Variants in CIC observed in about 807,000 individuals in gnomAD.
The protein encoded by CIC is protein capicua homolog.
In CIC, 18 loss-of-function variants were observed where a neutral mutation model predicts 115.7. The ratio of observed to expected loss-of-function variants is 0.16; its 90% CI spans 0.11 to 0.23. The LOEUF (loss-of-function observed/expected upper bound fraction) is 0.23, where lower values mean the gene tolerates loss of function less well. Ranked by LOEUF, CIC falls within the 10% of genes least tolerant of loss-of-function variation. CIC has a pLI of 1.00. For synonymous variants in CIC, 1,076 were observed against 923.0 expected, an observed-to-expected ratio of 1.17 and a Z score of -3.01; for missense variants, 2,000 against 2,159.3, an observed-to-expected ratio of 0.93 and a Z score of 1.46.
intron 2 of CIC, among the ~76,000 whole-genome samples, chr19:42,285,524 C>T (rs1018041295): frequency 2.0e-5 from 3 of 152,342 alleles, no homozygotes; most frequent in South Asian, 4.1e-4. Context: ...GTCAGCCCCT[C>T]TCAGAATCAG....
Position 42,290,823 on chromosome 19 carries a change from C to T in CIC, c.4782C>T (p.Pro1594=). ...GGCCTGTCAGCAGCACTCCTGTGCC[C>T]ATCGCCTCTAAGCCCTTCCCCACCT... ...VVRPVSSTPV[P]IASKPFPTSG... The change falls in exon 11 of 21, where the codon CCC becomes CCT. Residue 1594 remains proline, a synonymous_variant. Coordinates refer to ENST00000681038, the MANE Select transcript of CIC (RefSeq NM_001386298.1). 6.2e-7 allele frequency: 1 copy of T among 1,608,856 alleles called. No homozygotes were observed. The highest frequency in any genetic ancestry group is 8.5e-7 in the Non-Finnish European group (1 of 1,177,978).
intron 19 of CIC, 92 bp from the exon 20 acceptor site, chr19:42,294,512 G>A: frequency 6.3e-7 from 1 of 1,593,100 alleles, no homozygotes; most frequent in African/African-American, 1.3e-5. Context: ...CTGTGAAATA[G>A]AATGCAGTGA....
At chr19:42,284,564 CGGCGGGGGGGGG>C in intron 2 of CIC, 3 of 215,056 alleles carry the variant, frequency 1.4e-5, no homozygotes, top group Non-Finnish European at 2.3e-5. Flanking sequence ...CGGAGGGGGG[CGGCGGGGGGGGG>C]GGCATGCGGC....
rs587778206 is a variant in CIC, at chr19:42,293,625, C to T, written c.6556C>T (p.Arg2186Cys). 21 of 1,613,482 alleles carry T rather than the reference C, an allele frequency of 1.3e-5. No individual in the cohort carries two copies. The highest frequency in any genetic ancestry group is 6.6e-5 in the South Asian group (6 of 91,052). The change falls in exon 17 of 21, where the codon CGC becomes TGC. Residue 2186 changes from arginine to cysteine, a missense_variant. Coordinates refer to ENST00000681038, the MANE Select transcript of CIC (RefSeq NM_001386298.1). ...ATTCCCCAGCTCATCTTCAGACTGG[C>T]GCGTCCCTGGGCAGGGCCTGGAGAA... ...SKFPSSSSDW[R>C]VPGQGLENRG...
At chr19:42,292,278 C>G (rs746570277) in intron 13 of CIC, 22 bp from the exon 14 acceptor site, 2 of 1,613,548 alleles carry the variant, frequency 1.2e-6, no homozygotes, top group Admixed American at 3.3e-5. Flanking sequence ...CTCACTCCTC[C>G]CCATTTCCTC....
chr19:42,289,611 G>T (rs1016507261), intron 9 of CIC, among the ~76,000 whole-genome samples: 15 of 152,196 alleles, frequency 9.9e-5, no homozygotes, highest in African/African-American at 3.6e-4. Context: ...CTGGAGGACA[G>T]GGGGCATGAC....
rs1391117439 is a variant in CIC at position 42,287,891 on chromosome 19, C to A, written c.3574C>A (p.Pro1192Thr). 1 of 1,611,070 alleles carries A rather than the reference C, an allele frequency of 6.2e-7. No individual in the cohort carries two copies. Among genetic ancestry groups the A allele is most frequent in the Non-Finnish European group, 8.5e-7 (1 of 1,178,680 alleles). ...DRKKSSSEAKPTSLGLAGGHK... is the reference protein window; with the variant it reads ...DRKKSSSEAKTTSLGLAGGHK... ...AAAGAAGTCCAGCTCAGAGGCCAAGCCCACGAGCCTGGGGCTGGCAGGAGG... is the reference window on the plus strand; with the variant it reads ...AAAGAAGTCCAGCTCAGAGGCCAAGACCACGAGCCTGGGGCTGGCAGGAGG... Residue 1192 changes from proline to threonine, a missense_variant, in exon 7 of 21, where the codon CCC becomes ACC. Physicochemically the swap from Pro to Thr is conservative, Grantham distance 38. Transcript: ENST00000681038. This position sits in a 1 kb window ranked among gnomAD's most constrained non-coding sequence, Gnocchi z 8.7.
In CIC at chr19:42,293,219, A is replaced by G. The variant is rs757049739; in HGVS notation, c.6460A>G (p.Ser2154Gly). 4 of 1,596,650 alleles carry G rather than the reference A, an allele frequency of 2.5e-6. No homozygotes were observed. Among genetic ancestry groups the G allele is most frequent in the Admixed American group, 3.4e-5 (2 of 58,048 alleles). The change falls in exon 16 of 21, where the codon AGC becomes GGC. Residue 2154 changes from serine to glycine, a missense_variant. By Grantham distance (56) the Ser-to-Gly change is moderately conservative (BLOSUM62 0). Coordinates refer to ENST00000681038, the MANE Select transcript of CIC (RefSeq NM_001386298.1). ...LPETWTPTAR[S>G]SPPLPPPAEE... is the part of the protein sequence containing the mutation. ...AGAGACCTGGACTCCCACGGCCCGG[A>G]GCAGCCCCCCACTGCCCCCACCTGC... is the stretch of plus-strand genomic sequence containing the variant.
chr19:42,284,306 C>T (rs2037435357), intron 2 of CIC: 1 of 146,458 alleles, frequency 6.8e-6, no homozygotes, highest in Admixed American at 6.7e-5. Flanking sequence ...GGGGGCCGCC[C>T]CCGCGCACGC....
chr19:42,278,257 AG>A (rs1179854129), intron 2 of CIC, among the ~76,000 whole-genome samples: 1 of 152,222 alleles, frequency 6.6e-6, no homozygotes, highest in Non-Finnish European at 1.5e-5. Flanking sequence ...GCCCCAGTCC[AG>A]GAGGCCAGAT....
rs1274997874 is a variant in CIC at position 42,287,830 on chromosome 19, G to A, written c.3513G>A (p.Lys1171=). The change falls in exon 7 of 21, where the codon AAG becomes AAA. Residue 1171 remains lysine, a synonymous_variant. Transcript: ENST00000681038. The surrounding 1 kb of genome is among the most constrained non-coding windows in gnomAD (Gnocchi z 8.7). ...LAFQVKEAHF[K]AHPDWKWCNK... is the part of the protein sequence containing the mutation. ...GCCAGGTGAAGGAGGCCCACTTCAA[G>A]GCCCACCCAGATTGGAAGTGGTGCA... 1 of 1,613,750 alleles carries A rather than the reference G, an allele frequency of 6.2e-7. No individual in the cohort carries two copies. The highest frequency in any genetic ancestry group is 1.1e-5 in the South Asian group (1 of 91,062).
At chr19:42,282,518 C>G (rs1040128336) in intron 2 of CIC, among the ~76,000 whole-genome samples, 2 of 152,226 alleles carry the variant, frequency 1.3e-5, no homozygotes, top group African/African-American at 4.8e-5. Flanking sequence ...ACATCCTTGC[C>G]TGTGTCTTTG....
In CIC at chr19:42,293,152, G is replaced by C. The variant is rs2038268745; in HGVS notation, c.6393G>C (p.Glu2131Asp). 6.2e-7 allele frequency: 1 copy of C among 1,606,412 alleles called. No individual in the cohort carries two copies. The highest frequency in any genetic ancestry group is 8.5e-7 in the Non-Finnish European group (1 of 1,177,256). Residue 2131 changes from glutamate (E) to aspartate (D), a missense_variant, in exon 16 of 21, where the codon GAG becomes GAC. Physicochemically the swap from Glu to Asp is conservative, Grantham distance 45. Coordinates refer to ENST00000681038, the MANE Select transcript of CIC (RefSeq NM_001386298.1). ...PVREPTAPES[E>D]LEGQPTPPAP... Reference sequence around the variant, plus strand: ...GAGAGCCAACTGCCCCAGAGTCTGAGCTTGAGGGGCAGCCCACACCACCAG... The same window carrying C: ...GAGAGCCAACTGCCCCAGAGTCTGACCTTGAGGGGCAGCCCACACCACCAG...
chr19:42,289,458 C>G (rs2037912363), intron 9 of CIC, 52 bp downstream of exon 9: 11 of 1,537,234 alleles, frequency 7.2e-6, no homozygotes, highest in Non-Finnish European at 9.7e-6. Flanking sequence ...GGCCAAGGCT[C>G]AGAGGGTGGG....
In CIC at chr19:42,293,551, G is replaced by A. The variant is rs781685110; in HGVS notation, c.6523-41G>A. On this transcript the variant is annotated intron_variant, in intron 16 of 20. Transcript: ENST00000681038. ...GTTTCTGGCCTTTGCCCCAGAGTCT[G>A]AGCTCAGTGTTCGCCATCTCCCTGC... 10 of 1,613,196 alleles carry A rather than the reference G, an allele frequency of 6.2e-6. No individual in the cohort carries two copies. The South Asian group carries it at 9.9e-5, about 16-fold the overall frequency.
chr19:42,292,472 G>C lies in CIC; in HGVS notation c.5902+6G>C, dbSNP rs1395444916. On this transcript the variant is annotated splice_donor_region_variant and intron_variant, in intron 14 of 20. Coordinates refer to ENST00000681038, the MANE Select transcript of CIC (RefSeq NM_001386298.1). Reference sequence around the variant, plus strand: ...CGTGCAGCCCCTGCTCTCAGGTGAGGGGCGGCCTGGCAGGCAGTGCTGGGG... The same window carrying C: ...CGTGCAGCCCCTGCTCTCAGGTGAGCGGCGGCCTGGCAGGCAGTGCTGGGG... 1.6e-5 allele frequency: 25 copies of C among 1,611,168 alleles called. No individual in the cohort carries two copies. The highest frequency in any genetic ancestry group is 2.1e-5 in the Non-Finnish European group (25 of 1,178,986).
rs1395631352 is a variant in CIC, at chr19:42,290,518, C to T, written c.4477C>T (p.Pro1493Ser). Reference sequence around the variant, plus strand: ...CCCTGGGGCTGGGGGTCCAGCGACACCTTCCAAGGCAACCCGGTTCCTCCC... The same window carrying T: ...CCCTGGGGCTGGGGGTCCAGCGACATCTTCCAAGGCAACCCGGTTCCTCCC... ...PPPGAGGPAT[P>S]SKATRFLPMD... Residue 1493 changes from proline to serine, a missense_variant, in exon 11 of 21, where the codon CCT becomes TCT. Pro to Ser is a moderately conservative substitution (Grantham distance 74). Transcript: ENST00000681038. 5 of 1,613,380 alleles carry T rather than the reference C, an allele frequency of 3.1e-6. 1 individual carries two copies. The South Asian group carries it at 4.4e-5, about 14-fold the overall frequency.
Position 42,289,184 on chromosome 19 carries a change from G to C in CIC, c.3865G>C (p.Val1289Leu). The change falls in exon 9 of 21, where the codon GTG (valine) becomes CTG (leucine). Residue 1289 changes from valine (V) to leucine (L), a missense_variant. Coordinates refer to ENST00000681038, the MANE Select transcript of CIC (RefSeq NM_001386298.1). ...SQALQELTQM[V>L]SGPASYSGPK... ...CTCTCTGCCACCTATCCTGCAGATG[G>C]TGTCTGGCCCTGCATCGTACTCTGG... 5.0e-6 allele frequency: 8 copies of C among 1,613,286 alleles called. No individual in the cohort carries two copies. Among genetic ancestry groups the C allele is most frequent in the Non-Finnish European group, 6.8e-6 (8 of 1,180,036 alleles).
Position 42,295,297 on chromosome 19 carries a change from C to G in CIC, c.*106C>G. On this transcript the variant is annotated 3_prime_UTR_variant, in exon 21 of 21. Transcript: ENST00000681038. Reference sequence around the variant, plus strand: ...CCCGGGTAAAGCCATTTCGTCCTCTCCAGTTTGGGGCGGAATGAGGCCTGC... The same window carrying G: ...CCCGGGTAAAGCCATTTCGTCCTCTGCAGTTTGGGGCGGAATGAGGCCTGC... The G allele has an allele frequency of 9.5e-7, 1 of 1,047,554 alleles. No homozygotes were observed. The highest frequency in any genetic ancestry group is 1.4e-6 in the Non-Finnish European group (1 of 719,644). 64.9% of individuals were successfully genotyped at this position (1,047,554 alleles called of 1,614,324 possible). A position where few individuals can be genotyped will look rare whatever the true frequency, so the allele number is the denominator to read the frequency against.
Sources: allele counts gnomAD v4.1 joint callset (sites outside exome capture counted in the v4.1 genomes callset), GRCh38; gene constraint gnomAD v4.1.1; non-coding constraint Gnocchi (gnomAD v3.1); transcripts MANE v1.5; gene names NCBI Gene and HGNC (gene_info 2026-07-23, HGNC 2026-07-21).